The following CYBRD1 variants were observed in gnomAD, a reference collection of about 807,000 sequenced individuals.
The protein encoded by CYBRD1 is plasma membrane ascorbate-dependent reductase CYBRD1.
Under a neutral mutation model 21.9 loss-of-function variants are expected in CYBRD1, and 14 were observed. The ratio of observed to expected loss-of-function variants is 0.64; its 90% CI spans 0.42 to 1.00. The LOEUF is 1.00. CYBRD1 is among the 50% of genes least tolerant of loss of function. CYBRD1 has a pLI of 0.00. For synonymous variants in CYBRD1, 146 were observed against 136.5 expected (o/e 1.07, Z -0.48); for missense variants, 328 against 352.5 (o/e 0.93, Z 0.56).
intron 2 of CYBRD1, among the ~76,000 whole-genome samples, chr2:171,543,477 C>T (rs1697666728): frequency 6.6e-6 from 1 of 152,034 alleles, no homozygotes; most frequent in Non-Finnish European, 1.5e-5. Context: ...CTTCTCCTTC[C>T]TCCTCATCTC....
In CYBRD1 at chr2:171,557,872, G is replaced by A. The variant is rs879800765; in HGVS notation, c.*3045G>A. 6.6e-6 allele frequency: 1 copy of A among 152,074 alleles called. No homozygotes were observed. The highest frequency in any genetic ancestry group is 2.1e-4 in the South Asian group (1 of 4,822). The allele number at this position is 152,074 out of a possible 1,614,324, so 9.4% of individuals were successfully genotyped here. A position where few individuals can be genotyped will look rare whatever the true frequency, so the allele number is the denominator to read the frequency against. ...TCAATATGATAGAAAATTTATCTTG[G>A]TATGTCCTTTTTTAGATAACTCCAG... On this transcript the variant is annotated 3_prime_UTR_variant, in exon 4 of 4. Coordinates refer to ENST00000321348, the MANE Select transcript of CYBRD1 (RefSeq NM_024843.4).
chr2:171,522,262 T>A (rs1266423154), upstream of CYBRD1: 5 of 1,549,608 alleles, frequency 3.2e-6, no homozygotes, highest in Admixed American at 2.0e-5. This position sits in a 1 kb window ranked among gnomAD's most constrained non-coding sequence, Gnocchi z 4.3. Context: ...TGAAGCCCTC[T>A]GCGAGCTTGG....
chr2:171,522,866 A>G lies in CYBRD1; in HGVS notation c.193+128A>G. 1 of 1,459,294 alleles carries G rather than the reference A, an allele frequency of 6.9e-7. No homozygotes were observed. The highest frequency in any genetic ancestry group is 9.2e-7 in the Non-Finnish European group (1 of 1,086,888). The allele number at this position is 1,459,294 out of a possible 1,614,324, so 90.4% of individuals were successfully genotyped here. On this transcript the variant is annotated intron_variant, in intron 1 of 3. Transcript: ENST00000321348. The surrounding 1 kb of genome is among the most constrained non-coding windows in gnomAD (Gnocchi z 4.3). The stretch of plus-strand genomic sequence containing the variant: ...TCGCGGGGCCCGGAGGAGTGCGGTG[A>G]GGAGCGCGCGGGAAGCCAAGTCGGC...
At chr2:171,552,402 C>T (rs1433030996) in intron 2 of CYBRD1, among the ~76,000 whole-genome samples, 1 of 152,138 alleles carries the variant, frequency 6.6e-6, no homozygotes, top group African/African-American at 2.4e-5. Context: ...TGAATTAGGG[C>T]GTTGGACCCC....
At chr2:171,536,231 C>T (rs991667872) in intron 1 of CYBRD1, among the ~76,000 whole-genome samples, 33 of 150,344 alleles carry the variant, frequency 2.2e-4, no homozygotes, top group African/African-American at 2.7e-4. Context: ...CTCTGCCTCT[C>T]GGGTTCAAGC....
At chr2:171,531,899 A>T (rs1697472632) in intron 1 of CYBRD1, among the ~76,000 whole-genome samples, 1 of 152,160 alleles carries the variant, frequency 6.6e-6, no homozygotes, top group Admixed American at 6.5e-5. Flanking sequence ...TTCTACATGT[A>T]TTTGGTACCA....
At chr2:171,523,512 A>G (rs1031368725) in intron 1 of CYBRD1, among the ~76,000 whole-genome samples, 1 of 152,126 alleles carries the variant, frequency 6.6e-6, no homozygotes, top group Non-Finnish European at 1.5e-5. Context: ...GGGGCTTCCT[A>G]TTGGGCACTG....
In CYBRD1 at chr2:171,554,884, T is replaced by C. The variant is rs1017131802; in HGVS notation, c.*57T>C. The C allele has an allele frequency of 3.8e-6, 6 of 1,574,328 alleles. No individual in the cohort carries two copies. In the African/African-American group the frequency reaches 8.1e-5, roughly 21 times the overall value. ...CGTTTCAAAACTAGCTCTACAGTTT[T>C]GCTTCTCCTATTAGCCATATGATAA... On this transcript the variant is annotated 3_prime_UTR_variant, in exon 4 of 4. Coordinates refer to ENST00000321348, the MANE Select transcript of CYBRD1 (RefSeq NM_024843.4).
At chr2:171,543,119 G>A (rs565787977) in intron 2 of CYBRD1, among the ~76,000 whole-genome samples, 1 of 152,094 alleles carries the variant, frequency 6.6e-6, no homozygotes, top group Admixed American at 6.5e-5. Flanking sequence ...AGACTTAATG[G>A]CCTGAAACAA....
chr2:171,532,063 A>T (rs992282574), intron 1 of CYBRD1, among the ~76,000 whole-genome samples: 1 of 152,196 alleles, frequency 6.6e-6, no homozygotes, highest in Non-Finnish European at 1.5e-5. Context: ...ATGCACAGAC[A>T]TGTTTCAAAG....
chr2:171,522,326 C>T (rs555304457), upstream of CYBRD1: 94 of 1,524,128 alleles, frequency 6.2e-5, 4 homozygotes, highest in African/African-American at 1.1e-3. The surrounding 1 kb of genome is among the most constrained non-coding windows in gnomAD (Gnocchi z 4.3). Context: ...CCTCGGCGGC[C>T]GCGTGATCCC....
At chr2:171,545,202 G>C (rs1172544275) in intron 2 of CYBRD1, among the ~76,000 whole-genome samples, 1 of 151,248 alleles carries the variant, frequency 6.6e-6, no homozygotes, top group Non-Finnish European at 1.5e-5. Context: ...CCTGCCAAAG[G>C]CTAAAAAAGA....
intron 2 of CYBRD1, among the ~76,000 whole-genome samples, chr2:171,546,505 G>A (rs569256475): frequency 5.3e-5 from 8 of 152,224 alleles, no homozygotes; most frequent in Non-Finnish European, 1.0e-4. Flanking sequence ...TTTTGTCATT[G>A]CAATTTTATT....
At chr2:171,543,746 A>G (rs1697670789) in intron 2 of CYBRD1, among the ~76,000 whole-genome samples, 1 of 152,032 alleles carries the variant, frequency 6.6e-6, no homozygotes, top group East Asian at 1.9e-4. Context: ...TATATATTCT[A>G]TTGCAACTTT....
chr2:171,531,253 T>G (rs928409056), intron 1 of CYBRD1, among the ~76,000 whole-genome samples: 1 of 152,108 alleles, frequency 6.6e-6, no homozygotes, highest in Non-Finnish European at 1.5e-5. Context: ...TTGAAATGAC[T>G]ATACAGACTT....
chr2:171,545,875 T>G (rs962444045), intron 2 of CYBRD1, among the ~76,000 whole-genome samples: 1 of 152,174 alleles, frequency 6.6e-6, no homozygotes, highest in East Asian at 1.9e-4. Flanking sequence ...TTTTGAAATA[T>G]ACAATAAATT....
intron 2 of CYBRD1, among the ~76,000 whole-genome samples, chr2:171,551,533 T>C (rs1156983915): frequency 6.6e-6 from 1 of 152,252 alleles, no homozygotes; most frequent in Non-Finnish European, 1.5e-5. Context: ...TGGCTATTCT[T>C]GGCCCTTTGA....
rs1268378317 is a variant in CYBRD1 at position 171,557,511 on chromosome 2, G to A, written c.*2684G>A. 1 of 152,174 alleles carries A rather than the reference G, an allele frequency of 6.6e-6. No individual in the cohort carries two copies. The highest frequency in any genetic ancestry group is 1.5e-5 in the Non-Finnish European group (1 of 68,028). The allele number at this position is 152,174 out of a possible 1,614,324, so 9.4% of individuals were successfully genotyped here. ...AAATGAATATACTTTTTGAATTACTGTCATCAAAAGTGTACGGCTTCCTGT... is the reference window on the plus strand; with the variant it reads ...AAATGAATATACTTTTTGAATTACTATCATCAAAAGTGTACGGCTTCCTGT... On this transcript the variant is annotated 3_prime_UTR_variant, in exon 4 of 4. Coordinates refer to ENST00000321348, the MANE Select transcript of CYBRD1 (RefSeq NM_024843.4).
chr2:171,539,096 G>A (rs568897041), intron 1 of CYBRD1, among the ~76,000 whole-genome samples: 9 of 152,148 alleles, frequency 5.9e-5, no homozygotes, highest in South Asian at 4.2e-4. Flanking sequence ...CTCACTGAGC[G>A]CAGTGAGCCA....
Sources: gnomAD v4.1 joint callset for allele counts (sites outside exome capture counted in the v4.1 genomes callset) on GRCh38, gnomAD v4.1.1 for gene constraint, Gnocchi (gnomAD v3.1) non-coding constraint, MANE v1.5 for transcripts, NCBI Gene and HGNC (gene_info 2026-07-23, HGNC 2026-07-21) for gene names.